DISC1: variants seen among roughly 807,000 people sequenced by gnomAD.
The protein encoded by DISC1 is disrupted in schizophrenia 1 protein.
In DISC1, 57 loss-of-function variants were observed where a neutral mutation model predicts 84.5. The observed-to-expected ratio is 0.67, with a 90% CI of 0.55 to 0.84. DISC1 has a LOEUF of 0.84. Among genes scored for constraint, DISC1 ranks in the 40% least tolerant of loss-of-function variants. The pLI, the probability that DISC1 is intolerant of heterozygous loss-of-function variation, is 0.00. For synonymous variants in DISC1, 411 were observed against 415.2 expected, an observed-to-expected ratio of 0.99 and a Z score of 0.12; for missense variants, 1,000 against 1,057.8, an observed-to-expected ratio of 0.95 and a Z score of 0.76.
intron 9 of DISC1, among the ~76,000 whole-genome samples, chr1:231,820,548 A>G (rs1048836179): frequency 3.9e-5 from 6 of 152,334 alleles, no homozygotes; most frequent in African/African-American, 9.6e-5. Context: ...TGCAGCGTTC[A>G]GGGGAAAAAG....
intron 8 of DISC1, among the ~76,000 whole-genome samples, chr1:231,814,621 G>A (rs976967955): frequency 6.6e-6 from 1 of 152,112 alleles, no homozygotes; most frequent in East Asian, 1.9e-4. Context: ...AACCATTGAA[G>A]TTGATGGGAG....
In DISC1 at chr1:231,965,096, C is replaced by T. The variant is rs375593762; in HGVS notation, c.2042+6208C>T. On this transcript the variant is annotated intron_variant, in intron 10 of 12. Coordinates refer to ENST00000439617, the MANE Select transcript of DISC1 (RefSeq NM_018662.3). ...AGGCAAACTCAGGTGGACTCAAGAT[C>T]TATTCTCTATCAAGTATATCAAGTG... Among the ~76,000 whole-genome samples, 102 of 152,318 alleles carry T rather than the reference C, an allele frequency of 6.7e-4. 2 individuals carry two copies. The highest frequency in any genetic ancestry group is 2.4e-3 in the African/African-American group (98 of 41,580).
intron 9 of DISC1, among the ~76,000 whole-genome samples, chr1:231,919,068 C>G (rs1347408750): frequency 6.6e-6 from 1 of 152,072 alleles, no homozygotes; most frequent in East Asian, 1.9e-4. Context: ...TTTGTTTTCC[C>G]TCATATTTTA....
At chr1:231,866,786 A>C in intron 9 of DISC1, 1 of 1,152,354 alleles carries the variant, frequency 8.7e-7, no homozygotes. Context: ...GGTATAATTA[A>C]TCTGTAATTA....
In DISC1 at chr1:231,767,128, T is replaced by C; in HGVS notation, c.1269-12T>C. The C allele has an allele frequency of 6.2e-7, 1 of 1,614,048 alleles. No homozygotes were observed. The highest frequency in any genetic ancestry group is 8.5e-7 in the Non-Finnish European group (1 of 1,179,946). The stretch of plus-strand genomic sequence containing the variant: ...CTGCATACCTGTACCAATAGGTATG[T>C]GTTGTTTTAAGGGCCAGCGGAGATG... On this transcript the variant is annotated splice_polypyrimidine_tract_variant and intron_variant, in intron 4 of 12. Transcript: ENST00000439617.
intron 1 of DISC1, among the ~76,000 whole-genome samples, chr1:231,659,148 C>G (rs1171353789): frequency 6.6e-6 from 1 of 152,086 alleles, no homozygotes; most frequent in African/African-American, 2.4e-5. Context: ...ATTACTGTCT[C>G]AATTTCAGAA....
chr1:231,695,089 C>T (rs1196746450), intron 2 of DISC1, among the ~76,000 whole-genome samples: 1 of 152,226 alleles, frequency 6.6e-6, no homozygotes, highest in East Asian at 1.9e-4. Flanking sequence ...AGACGTGGTT[C>T]ATGCAGCCCA....
intron 10 of DISC1, among the ~76,000 whole-genome samples, chr1:231,999,998 T>TA (rs1439645505): frequency 1.3e-5 from 2 of 152,044 alleles, no homozygotes; most frequent in East Asian, 1.9e-4. Flanking sequence ...CCTCATAAAA[T>TA]AAAAAAATTA....
chr1:231,872,488 C>T (rs189844957), intron 9 of DISC1, among the ~76,000 whole-genome samples: 25 of 152,274 alleles, frequency 1.6e-4, no homozygotes, highest in Admixed American at 1.6e-3. Flanking sequence ...CAGATGGAGT[C>T]ACAGAGATGA....
chr1:231,901,619 A>C (rs936969497), intron 9 of DISC1, among the ~76,000 whole-genome samples: 5 of 152,212 alleles, frequency 3.3e-5, no homozygotes, highest in Admixed American at 2.0e-4. Flanking sequence ...CACTGCAGAC[A>C]CTGACAAATT....
At chr1:231,908,962 C>A (rs1464950006) in intron 9 of DISC1, among the ~76,000 whole-genome samples, 1 of 152,130 alleles carries the variant, frequency 6.6e-6, no homozygotes, top group African/African-American at 2.4e-5. Flanking sequence ...CATGATCTGG[C>A]TCTCTGTTTG....
chr1:231,731,728 A>G (rs2071538974), intron 3 of DISC1, among the ~76,000 whole-genome samples: 1 of 152,190 alleles, frequency 6.6e-6, no homozygotes, highest in African/African-American at 2.4e-5. Flanking sequence ...CAGTTTTTCC[A>G]AAAGCTGCTT....
At chr1:231,850,374 GC>G (rs1278264098) in intron 9 of DISC1, among the ~76,000 whole-genome samples, 2 of 152,230 alleles carry the variant, frequency 1.3e-5, no homozygotes, top group African/African-American at 4.8e-5. Flanking sequence ...TAAATCTGTT[GC>G]CTTTTGAAAG....
chr1:231,768,960 G>A (rs1173119727), intron 5 of DISC1, among the ~76,000 whole-genome samples: 2 of 152,160 alleles, frequency 1.3e-5, no homozygotes, highest in Non-Finnish European at 2.9e-5. Context: ...CTTAGAGTGG[G>A]AGTGGGCCTC....
intron 3 of DISC1, among the ~76,000 whole-genome samples, chr1:231,749,460 A>C (rs2074362285): frequency 1.3e-5 from 2 of 152,206 alleles, no homozygotes; most frequent in African/African-American, 4.8e-5. Flanking sequence ...TAGAATTCGA[A>C]CATCATTTCT....
At chr1:231,908,153 T>C (rs1464780727) in intron 9 of DISC1, among the ~76,000 whole-genome samples, 1 of 152,228 alleles carries the variant, frequency 6.6e-6, no homozygotes, top group Non-Finnish European at 1.5e-5. Context: ...GTAGTTTCTT[T>C]TGCTGTGTAG....
chr1:232,008,110 AC>A (rs1315555377), intron 10 of DISC1, among the ~76,000 whole-genome samples: 1 of 152,202 alleles, frequency 6.6e-6, no homozygotes, highest in Non-Finnish European at 1.5e-5. Flanking sequence ...TTGTAAATTA[AC>A]GAGTCTTGGG....
intron 9 of DISC1, among the ~76,000 whole-genome samples, chr1:231,890,606 G>T (rs756385238): frequency 1.3e-5 from 2 of 152,220 alleles, no homozygotes; most frequent in Non-Finnish European, 2.9e-5. Context: ...AGTGTAATAG[G>T]TGCTGGGTTT....
chr1:231,938,644 GAACCATGA>G (rs1401388369), intron 9 of DISC1, among the ~76,000 whole-genome samples: 1 of 152,192 alleles, frequency 6.6e-6, no homozygotes, highest in Non-Finnish European at 1.5e-5. Flanking sequence ...CTGACCTACA[GAACCATGA>G]AACCAATCAT....
Sources: allele counts gnomAD v4.1 joint callset (sites outside exome capture counted in the v4.1 genomes callset), GRCh38; gene constraint gnomAD v4.1.1; transcripts MANE v1.5; gene names NCBI Gene and HGNC (gene_info 2026-07-23, HGNC 2026-07-21).